Variants in RSRC1 observed in about 807,000 individuals in gnomAD.
RSRC1 encodes arginine and serine rich coiled-coil 1.
A neutral mutation model predicts 49.1 loss-of-function variants in RSRC1; 39 were observed. The observed-to-expected ratio is 0.79, with a 90% CI of 0.61 to 1.04. The LOEUF (loss-of-function observed/expected upper bound fraction) is 1.04, where lower values mean the gene tolerates loss of function less well. Ranked by LOEUF, RSRC1 falls within the 50% of genes least tolerant of loss-of-function variation. The pLI is 0.00. For synonymous variants in RSRC1, 143 were observed against 130.8 expected, an observed-to-expected ratio of 1.09 and a Z score of -0.63; for missense variants, 388 against 402.4, an observed-to-expected ratio of 0.96 and a Z score of 0.31.
chr3:158,310,562 T>C (rs985698779), intron 5 of RSRC1, among the ~76,000 whole-genome samples: 4 of 151,786 alleles, frequency 2.6e-5, no homozygotes, highest in Non-Finnish European at 5.9e-5. Flanking sequence ...AAGTACTAAC[T>C]GTAAATAACA....
chr3:158,353,218 G>T (rs1020751757), intron 5 of RSRC1, among the ~76,000 whole-genome samples: 3 of 152,144 alleles, frequency 2.0e-5, no homozygotes, highest in African/African-American at 7.2e-5. Flanking sequence ...TGAGCTCCTT[G>T]CCTCTAGACA....
chr3:158,289,474 C>T (rs1278460397), intron 4 of RSRC1, among the ~76,000 whole-genome samples: 1 of 152,176 alleles, frequency 6.6e-6, no homozygotes, highest in Admixed American at 6.5e-5. Flanking sequence ...GATAACAAAA[C>T]ACTTAAATTT....
intron 4 of RSRC1, among the ~76,000 whole-genome samples, chr3:158,285,778 T>G (rs1726505383): frequency 6.6e-6 from 1 of 152,214 alleles, no homozygotes; most frequent in African/African-American, 2.4e-5. Context: ...CTTATCAGCT[T>G]AAGGATATTT....
intron 3 of RSRC1, among the ~76,000 whole-genome samples, chr3:158,199,328 T>G (rs538796708): frequency 8.5e-5 from 13 of 152,238 alleles, no homozygotes; most frequent in Non-Finnish European, 1.8e-4. Flanking sequence ...CTAATATATA[T>G]CCTGAGTATC....
At chr3:158,460,733 T>C (rs1331024994) in intron 6 of RSRC1, among the ~76,000 whole-genome samples, 1 of 151,826 alleles carries the variant, frequency 6.6e-6, no homozygotes, top group African/African-American at 2.4e-5. Context: ...GAATGAAGCT[T>C]CAAAAATTAT....
At chr3:158,254,324 C>T (rs1164490121) in intron 4 of RSRC1, among the ~76,000 whole-genome samples, 1 of 152,180 alleles carries the variant, frequency 6.6e-6, no homozygotes, top group Admixed American at 6.5e-5. Flanking sequence ...GGTTCTAGAT[C>T]CTTGAGGAAA....
chr3:158,260,290 G>T (rs1724815823), intron 4 of RSRC1, among the ~76,000 whole-genome samples: 1 of 152,068 alleles, frequency 6.6e-6, no homozygotes, highest in Admixed American at 6.5e-5. Context: ...ATCTTGCCAG[G>T]ACTAGGTCTT....
chr3:158,151,328 CA>C (rs112446300), intron 3 of RSRC1, among the ~76,000 whole-genome samples: 5,697 of 152,180 alleles, frequency 0.037, 358 homozygotes, highest in African/African-American at 0.13. Flanking sequence ...GGGAATTTAG[CA>C]AGGCCTGTTT....
At chr3:158,199,983 A>C (rs1720936563) in intron 3 of RSRC1, among the ~76,000 whole-genome samples, 1 of 58,518 alleles carries the variant, frequency 1.7e-5, no homozygotes, top group South Asian at 4.1e-4. Flanking sequence ...TGTGACATTA[A>C]TATATTAACT....
chr3:158,262,739 C>T (rs1724970406), intron 4 of RSRC1, among the ~76,000 whole-genome samples: 1 of 151,652 alleles, frequency 6.6e-6, no homozygotes, highest in African/African-American at 2.4e-5. Context: ...ATTTTTTTCA[C>T]CAATATTTTG....
intron 4 of RSRC1, among the ~76,000 whole-genome samples, chr3:158,241,136 AG>A (rs1342506666): frequency 3.3e-5 from 5 of 152,286 alleles, no homozygotes; most frequent in Non-Finnish European, 5.9e-5. Context: ...ATTACAACAA[AG>A]AAATTCTGCC....
At chr3:158,217,192 C>G (rs1428417133) in intron 4 of RSRC1, among the ~76,000 whole-genome samples, 3 of 151,554 alleles carry the variant, frequency 2.0e-5, no homozygotes, top group Non-Finnish European at 4.4e-5. Flanking sequence ...GAGTACTGCT[C>G]TTCTCCAAAG....
At chr3:158,522,552 T>A (rs1711744307) in intron 7 of RSRC1, among the ~76,000 whole-genome samples, 2 of 152,180 alleles carry the variant, frequency 1.3e-5, no homozygotes, top group Non-Finnish European at 2.9e-5. Context: ...TGCATTTCTT[T>A]GAAAGAAAAA....
At chr3:158,155,635 G>T (rs61415371) in intron 3 of RSRC1, among the ~76,000 whole-genome samples, 2,272 of 150,052 alleles carry the variant, frequency 0.015, 77 homozygotes, top group African/African-American at 0.053. Context: ...TAGAGATTGG[G>T]TTTCACCATG....
intron 3 of RSRC1, among the ~76,000 whole-genome samples, chr3:158,139,317 A>C (rs1355103934): frequency 6.6e-6 from 1 of 151,980 alleles, no homozygotes; most frequent in Non-Finnish European, 1.5e-5. Context: ...AGGGCAGGAG[A>C]ATCACTTGAA....
chr3:158,337,053 A>T (rs1177569377), intron 5 of RSRC1, among the ~76,000 whole-genome samples: 2 of 152,212 alleles, frequency 1.3e-5, no homozygotes, highest in Admixed American at 1.3e-4. Context: ...AAGTAGGGTA[A>T]GAAGAACCAC....
intron 4 of RSRC1, among the ~76,000 whole-genome samples, chr3:158,227,651 G>A (rs577056009): frequency 1.3e-5 from 2 of 151,982 alleles, no homozygotes; most frequent in East Asian, 1.9e-4. Context: ...CATATGTTAC[G>A]ATTCAGTAAG....
At position 158,340,098 on chromosome 3, in the gene RSRC1, A is replaced by C. The variant is rs1238549403; in HGVS notation, c.532-14759A>C. Among the ~76,000 whole-genome samples the C allele has an allele frequency of 2.0e-5, 3 of 152,156 alleles. No homozygotes were observed. In the East Asian group the frequency reaches 5.8e-4, roughly 29 times the overall value. The stretch of plus-strand genomic sequence containing the variant: ...CTCAACTTGAATTGTATCTCCCATA[A>C]TTCCCATGTGTTGTGGGAGGGATCC... On this transcript the variant is annotated intron_variant, in intron 5 of 9. Coordinates refer to ENST00000611884, the MANE Select transcript of RSRC1 (RefSeq NM_001271838.2).
chr3:158,511,996 T>G (rs921723200), intron 7 of RSRC1, among the ~76,000 whole-genome samples: 5 of 149,026 alleles, frequency 3.4e-5, no homozygotes, highest in East Asian at 2.0e-4. Flanking sequence ...TTTGTTGGAG[T>G]TCATTGTAGA....
Sources: gnomAD v4.1 joint callset for allele counts (sites outside exome capture counted in the v4.1 genomes callset) on GRCh38, gnomAD v4.1.1 for gene constraint, MANE v1.5 for transcripts, NCBI Gene and HGNC (gene_info 2026-07-23, HGNC 2026-07-21) for gene names.